The following PAIP1 variants were observed in gnomAD, a reference collection of about 807,000 sequenced individuals.
PAIP1 encodes poly(A) binding protein interacting protein 1, also known as polyadenylate-binding protein-interacting protein 1.
Under a neutral mutation model 61.3 loss-of-function variants are expected in PAIP1, and 16 were observed. The ratio of observed to expected loss-of-function variants is 0.26; its 90% CI spans 0.18 to 0.40. The LOEUF is 0.40. Ranked by LOEUF, PAIP1 falls within the 10% of genes least tolerant of loss-of-function variation. The probability of loss-of-function intolerance (pLI) is 1.00; values close to 1 mark genes in which losing one functional copy is unlikely to be tolerated. For missense variants in PAIP1, 416 were observed against 600.9 expected (o/e 0.69, Z 3.22); for synonymous variants, 187 against 226.2 (o/e 0.83, Z 1.56).
Position 43,527,533 on chromosome 5 carries a change from C to A in PAIP1, c.1347-64G>T, listed in dbSNP as rs1746755282. ...CAACTCAGAAAGTAAGATGCTAAAT[C>A]ATGAAAAAAATAATGTAATACAACT... On this transcript the variant is annotated intron_variant, in intron 10 of 10. Coordinates refer to ENST00000306846, the MANE Select transcript of PAIP1 (RefSeq NM_006451.5). 7 of 1,413,386 alleles carry A rather than the reference C, an allele frequency of 5.0e-6. No individual in the cohort carries two copies. In the Admixed American group the frequency reaches 9.0e-5, roughly 18 times the overall value. The allele number at this position is 1,413,386 out of a possible 1,614,324, so 87.6% of individuals were successfully genotyped here.
intron 9 of PAIP1, among the ~76,000 whole-genome samples, chr5:43,531,518 G>A (rs1313844933): frequency 3.3e-5 from 5 of 149,514 alleles, no homozygotes; most frequent in Admixed American, 1.3e-4. Context: ...TTAGCCAGGC[G>A]TGGTGGCACA....
rs942938712 is a variant in PAIP1 at position 43,557,002 on chromosome 5, T to G, written c.-156A>C. ...GGGCCCCGGCTCGGCTGCTCGGTGC[T>G]TCTGGCGGAGCGGACGGCAGCCCGA... On this transcript the variant is annotated 5_prime_UTR_variant, in exon 1 of 11. Transcript: ENST00000306846. 2.2e-4 allele frequency: 260 copies of G among 1,207,418 alleles called. 1 individual carries two copies. In the African/African-American group the frequency reaches 3.9e-3, roughly 18 times the overall value. 74.8% of individuals were successfully genotyped at this position (1,207,418 alleles called of 1,614,324 possible).
Position 43,556,873 on chromosome 5 carries a change from A to G in PAIP1, c.-27T>C, listed in dbSNP as rs760537775. The G allele has an allele frequency of 5.0e-6, 7 of 1,387,454 alleles. No homozygotes were observed. The highest frequency in any genetic ancestry group is 3.7e-5 in the Admixed American group (1 of 26,718). The allele number at this position is 1,387,454 out of a possible 1,614,324, so 85.9% of individuals were successfully genotyped here. On this transcript the variant is annotated 5_prime_UTR_variant, in exon 1 of 11. Transcript: ENST00000306846. Reference sequence around the variant, plus strand: ...CTCCTCCTCCTCCGCCTCCTCCTCCAGGGGCCGCTGCCGCTGCGCTCGCGA... The same window carrying G: ...CTCCTCCTCCTCCGCCTCCTCCTCCGGGGGCCGCTGCCGCTGCGCTCGCGA...
rs975617574 is a variant in PAIP1 at position 43,535,714 on chromosome 5, A to G, written c.973-74T>C. On this transcript the variant is annotated intron_variant, in intron 6 of 10. Coordinates refer to ENST00000306846, the MANE Select transcript of PAIP1 (RefSeq NM_006451.5). Reference sequence around the variant, plus strand: ...GAAATTCTAAAAAGATACCAGTAACAGTTCAAGCATTCTCTAAACAAGATG... The same window carrying G: ...GAAATTCTAAAAAGATACCAGTAACGGTTCAAGCATTCTCTAAACAAGATG... 1.6e-5 allele frequency: 12 copies of G among 770,494 alleles called. No homozygotes were observed. The African/African-American group carries it at 2.1e-4, about 14-fold the overall frequency. 47.7% of individuals were successfully genotyped at this position (770,494 alleles called of 1,614,324 possible).
chr5:43,556,595 G>A lies in PAIP1; in HGVS notation c.252C>T (p.Pro84=), dbSNP rs931583663. 2 of 1,252,404 alleles carry A rather than the reference G, an allele frequency of 1.6e-6. No individual in the cohort carries two copies. The allele number at this position is 1,252,404 out of a possible 1,614,324, so 77.6% of individuals were successfully genotyped here. A position where few individuals can be genotyped will look rare whatever the true frequency, so the allele number is the denominator to read the frequency against. ...VPASPQRPSR[P]GALPEQTRPL... ...GCTGCTCCGTACCTGGGAGCGCCCC[G>A]GGCCGGGAAGGCCGCTGGGGGCTGG... Residue 84 remains proline, a synonymous_variant, in exon 1 of 11, where the codon CCC becomes CCT. Coordinates refer to ENST00000306846, the MANE Select transcript of PAIP1 (RefSeq NM_006451.5).
intron 3 of PAIP1, among the ~76,000 whole-genome samples, chr5:43,545,801 CGCTCGTTGCCCAA>C (rs1311675449): frequency 1.3e-5 from 2 of 148,504 alleles, no homozygotes; most frequent in Admixed American, 1.3e-4. Flanking sequence ...TTCAGAGTTT[CGCTCGTTGCCCAA>C]GCTGGAGTGC....
chr5:43,527,599 G>C, intron 10 of PAIP1, 130 bp from the exon 11 acceptor site: 1 of 710,482 alleles, frequency 1.4e-6, no homozygotes. Context: ...CCTAACTTTA[G>C]AATTACATTA....
At chr5:43,540,826 A>C (rs1303035129) in intron 4 of PAIP1, among the ~76,000 whole-genome samples, 2 of 152,278 alleles carry the variant, frequency 1.3e-5, no homozygotes, top group East Asian at 3.9e-4. Context: ...GGGAAGCTTT[A>C]AAAAACCATG....
At chr5:43,554,885 T>C (rs1394719626) in intron 2 of PAIP1, among the ~76,000 whole-genome samples, 1 of 152,156 alleles carries the variant, frequency 6.6e-6, no homozygotes, top group Non-Finnish European at 1.5e-5. Flanking sequence ...GCCCTATTCA[T>C]AATAACCCAA....
At chr5:43,537,121 T>TC (rs1747186483) in intron 5 of PAIP1, among the ~76,000 whole-genome samples, 177 bp from the exon 6 acceptor site, 1 of 152,220 alleles carries the variant, frequency 6.6e-6, no homozygotes, top group African/African-American at 2.4e-5. Flanking sequence ...AACTAAGACC[T>TC]CTAATAAAAC....
intron 7 of PAIP1, among the ~76,000 whole-genome samples, 154 bp from the exon 8 acceptor site, chr5:43,535,124 T>A (rs954688658): frequency 4.7e-5 from 7 of 149,944 alleles, no homozygotes; most frequent in South Asian, 2.1e-4. Flanking sequence ...TAAATTCATT[T>A]AAAAAAAAAA....
chr5:43,556,087 T>C, intron 1 of PAIP1, 88 bp from the exon 2 acceptor site: 1 of 1,495,086 alleles, frequency 6.7e-7, no homozygotes, highest in Admixed American at 2.2e-5. Flanking sequence ...CTGAAAAGCG[T>C]CTGTTTTTAA....
At chr5:43,541,051 T>C (rs1561232703) in intron 4 of PAIP1, among the ~76,000 whole-genome samples, 1 of 151,464 alleles carries the variant, frequency 6.6e-6, no homozygotes, top group Non-Finnish European at 1.5e-5. Flanking sequence ...TATGGTTAGA[T>C]ATCTTTTTAT....
At position 43,534,835 on chromosome 5, in the gene PAIP1, A is replaced by T; in HGVS notation, c.1197+18T>A. ...ATTCAAGCAATAAGTAAAACTTAAA[A>T]TATAAACACTGGCATACCATAAAGT... On this transcript the variant is annotated intron_variant, in intron 8 of 10. Transcript: ENST00000306846. 1 of 1,257,698 alleles carries T rather than the reference A, an allele frequency of 8.0e-7. No individual in the cohort carries two copies. Among genetic ancestry groups the T allele is most frequent in the Non-Finnish European group, 1.2e-6 (1 of 858,118 alleles). 77.9% of individuals were successfully genotyped at this position (1,257,698 alleles called of 1,614,324 possible).
chr5:43,530,838 A>C (rs1265913591), intron 9 of PAIP1, among the ~76,000 whole-genome samples: 1 of 152,188 alleles, frequency 6.6e-6, no homozygotes, highest in African/African-American at 2.4e-5. Flanking sequence ...GGAGGCTGAC[A>C]GATGATGTTG....
Position 43,556,841 on chromosome 5 carries a change from C to T in PAIP1, c.6G>A (p.Ser2=). Residue 2 remains serine (S), a synonymous_variant, in exon 1 of 11, where the codon TCG becomes TCA. Transcript: ENST00000306846. M[S]DGFDRAPGAG... ...CACCTGGGGCCCGATCGAAACCGTCCGACATGCTCCTCCTCCTCCGCCTCC... is the reference window on the plus strand; with the variant it reads ...CACCTGGGGCCCGATCGAAACCGTCTGACATGCTCCTCCTCCTCCGCCTCC... The T allele has an allele frequency of 2.1e-6, 3 of 1,439,336 alleles. No homozygotes were observed. The highest frequency in any genetic ancestry group is 9.1e-7 in the Non-Finnish European group (1 of 1,098,230). 89.2% of individuals were successfully genotyped at this position (1,439,336 alleles called of 1,614,324 possible). A position where few individuals can be genotyped will look rare whatever the true frequency, so the allele number is the denominator to read the frequency against.
intron 4 of PAIP1, 59 bp downstream of exon 4, chr5:43,542,945 A>G: frequency 1.1e-6 from 1 of 877,450 alleles, no homozygotes; most frequent in Non-Finnish European, 1.9e-6. Context: ...GGTCTGAGGA[A>G]TGGTCAAATT....
intron 2 of PAIP1, among the ~76,000 whole-genome samples, chr5:43,549,139 C>T (rs1747758735): frequency 6.6e-6 from 1 of 152,152 alleles, no homozygotes; most frequent in African/African-American, 2.4e-5. Context: ...CAGGGTTTCA[C>T]CATGTTGGCC....
At position 43,541,703 on chromosome 5, in the gene PAIP1, G is replaced by A. The variant is rs74886755; in HGVS notation, c.734+1301C>T. 1.7e-3 allele frequency among the ~76,000 whole-genome samples: 247 copies of A among 145,888 alleles called. 16 individuals are homozygous for A. The highest frequency in any genetic ancestry group is 6.2e-3 in the African/African-American group (237 of 38,488). ...AAAGTCACTTAAAAAACTAATGGAC[G>A]AACTATAATAAACTTGAAGATAACC... On this transcript the variant is annotated intron_variant, in intron 4 of 10. Transcript: ENST00000306846.
Sources: allele counts gnomAD v4.1 joint callset (sites outside exome capture counted in the v4.1 genomes callset), GRCh38; gene constraint gnomAD v4.1.1; transcripts MANE v1.5; gene names NCBI Gene and HGNC (gene_info 2026-07-23, HGNC 2026-07-21).